HDAC9: variants seen among roughly 807,000 people sequenced by gnomAD.
HDAC9 encodes the protein MEF-2 interacting transcription repressor (MITR) protein.
HDAC9 carries 41 observed loss-of-function variants against 139.4 expected under a neutral mutation model. That is an observed-to-expected ratio of 0.29 (90% CI 0.23 to 0.38). HDAC9 has a LOEUF of 0.38. Ranked by LOEUF, HDAC9 falls within the 10% of genes least tolerant of loss-of-function variation. The pLI, the probability that HDAC9 is intolerant of heterozygous loss-of-function variation, is 1.00. For synonymous variants in HDAC9, 517 were observed against 476.2 expected, an observed-to-expected ratio of 1.09 and a Z score of -1.12; for missense variants, 1,147 against 1,297.0, an observed-to-expected ratio of 0.88 and a Z score of 1.78.
At chr7:18,528,005 T>C (rs1807494407) in intron 2 of HDAC9, among the ~76,000 whole-genome samples, 1 of 151,974 alleles carries the variant, frequency 6.6e-6, no homozygotes, top group African/African-American at 2.4e-5. Context: ...ATGAAATAAT[T>C]ATAGGTCGGG....
In HDAC9 at chr7:18,916,022, G is replaced by GA. The variant is rs55866735; in HGVS notation, c.2804-19771dup. 6.4e-3 allele frequency among the ~76,000 whole-genome samples: 889 copies of GA among 138,106 alleles called. 9 individuals are homozygous for GA. The highest frequency in any genetic ancestry group is 0.012 in the African/African-American group (465 of 37,892). The allele number at this position is 138,106 out of a possible 152,430, so 90.6% of individuals were successfully genotyped here. A position where few individuals can be genotyped will look rare whatever the true frequency, so the allele number is the denominator to read the frequency against. On this transcript the variant is annotated intron_variant, in intron 22 of 25. Coordinates refer to ENST00000686413, the MANE Select transcript of HDAC9 (RefSeq NM_178425.4). ...CAGACCCTCCTCTCACCCCCCGCTG[G>GA]AAAAAAAAAAAAAAAACAGAAAAAG...
At chr7:18,630,378 G>A (rs1195717822) in intron 7 of HDAC9, among the ~76,000 whole-genome samples, 1 of 151,806 alleles carries the variant, frequency 6.6e-6, no homozygotes, top group Non-Finnish European at 1.5e-5. Flanking sequence ...CTTATTTTTA[G>A]TAAGTTTTAA....
At chr7:18,810,356 A>T (rs989587758) in intron 17 of HDAC9, among the ~76,000 whole-genome samples, 1 of 151,900 alleles carries the variant, frequency 6.6e-6, no homozygotes, top group African/African-American at 2.4e-5. Context: ...TTAAGGTAAC[A>T]TTCACAGATT....
chr7:18,130,113 T>C (rs1298766612), intron 1 of HDAC9, among the ~76,000 whole-genome samples: 1 of 152,110 alleles, frequency 6.6e-6, no homozygotes, highest in Admixed American at 6.6e-5. Flanking sequence ...CCAAAATCCT[T>C]TGAATATTTT....
intron 1 of HDAC9, among the ~76,000 whole-genome samples, chr7:18,392,315 T>TCACACACACACACACA (rs57932620): frequency 1.7e-5 from 2 of 119,350 alleles, no homozygotes; most frequent in African/African-American, 3.3e-5. Flanking sequence ...TCTCTCTCTC[T>TCACACACACACACACA]CACACACACA....
chr7:18,326,257 A>T (rs1800435478), intron 1 of HDAC9, among the ~76,000 whole-genome samples: 1 of 152,084 alleles, frequency 6.6e-6, no homozygotes, highest in Non-Finnish European at 1.5e-5. Flanking sequence ...AACTTAACTT[A>T]AAGTGAAATT....
intron 1 of HDAC9, among the ~76,000 whole-genome samples, chr7:18,454,608 A>G (rs1447265199): frequency 1.3e-5 from 2 of 152,064 alleles, no homozygotes; most frequent in Non-Finnish European, 2.9e-5. Flanking sequence ...ATTATAAGGT[A>G]AAATAAAATT....
chr7:18,355,716 T>C (rs1437360124), intron 1 of HDAC9, among the ~76,000 whole-genome samples: 1 of 152,078 alleles, frequency 6.6e-6, no homozygotes, highest in Non-Finnish European at 1.5e-5. Context: ...TCCCCAGAGT[T>C]TGGTTTGGTG....
chr7:18,422,145 C>T (rs1789677685), intron 1 of HDAC9, among the ~76,000 whole-genome samples: 1 of 152,148 alleles, frequency 6.6e-6, no homozygotes, highest in South Asian at 2.1e-4. Context: ...AGTTTATTCT[C>T]CCTCCAAGCA....
chr7:18,295,160 G>A (rs775010184), intron 1 of HDAC9, among the ~76,000 whole-genome samples: 1 of 152,058 alleles, frequency 6.6e-6, no homozygotes, highest in Non-Finnish European at 1.5e-5. Flanking sequence ...AAAAGCTGAG[G>A]GCCCAGTACT....
At chr7:18,577,475 T>A (rs893239835) in intron 2 of HDAC9, among the ~76,000 whole-genome samples, 1 of 152,184 alleles carries the variant, frequency 6.6e-6, no homozygotes, top group Non-Finnish European at 1.5e-5. Flanking sequence ...TTTTCAAAAT[T>A]TCTCTGTAAC....
intron 12 of HDAC9, among the ~76,000 whole-genome samples, chr7:18,727,189 A>AGTCC (rs1327050044): frequency 2.0e-5 from 3 of 152,246 alleles, no homozygotes; most frequent in Admixed American, 6.5e-5. Context: ...TGGCAGTTTG[A>AGTCC]AAGTGTTGAA....
intron 1 of HDAC9, among the ~76,000 whole-genome samples, chr7:18,341,612 C>T (rs1782018135): frequency 6.6e-6 from 1 of 151,450 alleles, no homozygotes; most frequent in Non-Finnish European, 1.5e-5. Flanking sequence ...TCTTTTATGC[C>T]ACTACTTAGT....
intron 2 of HDAC9, among the ~76,000 whole-genome samples, chr7:18,231,585 G>A (rs1793464763): frequency 6.6e-6 from 1 of 152,164 alleles, no homozygotes; most frequent in Non-Finnish European, 1.5e-5. Context: ...AATATTTTGA[G>A]TTAATTTTAA....
At chr7:18,234,000 C>T (rs949117598) in intron 2 of HDAC9, among the ~76,000 whole-genome samples, 4 of 151,984 alleles carry the variant, frequency 2.6e-5, no homozygotes, top group South Asian at 4.1e-4. Flanking sequence ...TCCAAACAAA[C>T]ACTGACATAA....
chr7:18,613,066 C>A (rs1015784499), intron 6 of HDAC9, among the ~76,000 whole-genome samples: 1 of 147,086 alleles, frequency 6.8e-6, no homozygotes, highest in African/African-American at 2.5e-5. Context: ...TTATAATAGA[C>A]TGAATAATAG....
intron 1 of HDAC9, among the ~76,000 whole-genome samples, chr7:18,451,399 GTGTATATA>G (rs1379413506): frequency 1.4e-4 from 18 of 130,758 alleles, no homozygotes; most frequent in Non-Finnish European, 3.0e-4. Context: ...GTGTGTGTGT[GTGTATATA>G]TGTGTGTGTG....
intron 22 of HDAC9, among the ~76,000 whole-genome samples, chr7:18,876,903 T>A (rs1799360914): frequency 6.6e-6 from 1 of 152,034 alleles, no homozygotes; most frequent in Non-Finnish European, 1.5e-5. Flanking sequence ...GGTTTCATCA[T>A]GTTGGTCAGG....
At chr7:18,565,157 C>G (rs1408988040) in intron 2 of HDAC9, among the ~76,000 whole-genome samples, 1 of 152,010 alleles carries the variant, frequency 6.6e-6, no homozygotes, top group Admixed American at 6.6e-5. Flanking sequence ...CCACCACACC[C>G]AGCTAATTTT....
Sources: allele counts gnomAD v4.1 joint callset (sites outside exome capture counted in the v4.1 genomes callset), GRCh38; gene constraint gnomAD v4.1.1; transcripts MANE v1.5; gene names NCBI Gene and HGNC (gene_info 2026-07-23, HGNC 2026-07-21).